Variants in MCRIP2 observed in about 807,000 individuals in gnomAD.
The protein encoded by MCRIP2 is MAPK regulated corepressor interacting protein 2, also known as MAPK regulated co-repressor interacting protein 2.
In MCRIP2, 21 loss-of-function variants were observed where a neutral mutation model predicts 23.2. The observed-to-expected ratio is 0.90, with a 90% CI of 0.64 to 1.30. The LOEUF is 1.30. Among genes scored for constraint, MCRIP2 ranks in the 50% most tolerant of loss-of-function variants. The pLI is 0.00. For missense variants in MCRIP2, 234 were observed against 223.2 expected (o/e 1.05, Z -0.31); for synonymous variants, 121 against 100.2 (o/e 1.21, Z -1.24).
At chr16:644,374 C>T (rs1286871790) in intron 2 of MCRIP2, among the ~76,000 whole-genome samples, 7 of 152,080 alleles carry the variant, frequency 4.6e-5, no homozygotes, top group Admixed American at 4.6e-4. Flanking sequence ...AACCACCGTG[C>T]TTGGCCAACC....
Position 642,133 on chromosome 16 carries a change from G to T in MCRIP2, c.66G>T (p.Gln22His). ...CGGTGCCCGCAGGTCCCACGCAGCA[G>T]CAGGTGGAGGGCCGGCTCGGCGAGC... is the stretch of plus-strand genomic sequence containing the variant. ...VAQRRTGPTQ[Q>H]QVEGRLGELL... The change falls in exon 2 of 5, where the codon CAG becomes CAT. Residue 22 changes from glutamine to histidine, a missense_variant. Transcript: ENST00000307650. 1 of 1,369,874 alleles carries T rather than the reference G, an allele frequency of 7.3e-7. No individual in the cohort carries two copies. Among genetic ancestry groups the T allele is most frequent in the Non-Finnish European group, 9.4e-7 (1 of 1,060,048 alleles). 84.9% of individuals were successfully genotyped at this position (1,369,874 alleles called of 1,614,324 possible). A position where few individuals can be genotyped will look rare whatever the true frequency, so the allele number is the denominator to read the frequency against.
intron 2 of MCRIP2, 88 bp from the exon 3 acceptor site, chr16:647,329 G>A: frequency 6.4e-7 from 1 of 1,564,042 alleles, no homozygotes; most frequent in South Asian, 1.2e-5. Flanking sequence ...GGGGAAAGTG[G>A]GCTGGCCCGG....
rs2037481147 is a variant in MCRIP2 at position 646,340 on chromosome 16, A to G, written c.183-1077A>G. On this transcript the variant is annotated intron_variant, in intron 2 of 4. Transcript: ENST00000307650. The surrounding 1 kb of genome is among the most constrained non-coding windows in gnomAD (Gnocchi z 6.5). ...TTGTGCAGAAACTCAGGCAGCGGGC[A>G]GGCCTGGGAGGTGCCCCTGCCCCTG... The G allele has an allele frequency of 2.0e-5, 3 of 152,184 alleles. No homozygotes were observed. Among genetic ancestry groups the G allele is most frequent in the Admixed American group, 2.0e-4 (3 of 15,282 alleles). The allele number at this position is 152,184 out of a possible 1,614,324, so 9.4% of individuals were successfully genotyped here.
In MCRIP2 at chr16:646,125, C is replaced by T. The variant is rs2037475348; in HGVS notation, c.183-1292C>T. ...CCAGAGCCCCTGGGGCGGTGCCTGC[C>T]TCCTGGGGCCCATCTCTGCCCGAGA... On this transcript the variant is annotated intron_variant, in intron 2 of 4. Coordinates refer to ENST00000307650, the MANE Select transcript of MCRIP2 (RefSeq NM_138418.4). The surrounding 1 kb of genome is among the most constrained non-coding windows in gnomAD (Gnocchi z 6.5). 1 of 152,242 alleles carries T rather than the reference C, an allele frequency of 6.6e-6. No individual in the cohort carries two copies. Among genetic ancestry groups the T allele is most frequent in the African/African-American group, 2.4e-5 (1 of 41,438 alleles). 9.4% of individuals were successfully genotyped at this position (152,242 alleles called of 1,614,324 possible).
intron 2 of MCRIP2, among the ~76,000 whole-genome samples, chr16:644,250 C>A (rs2037422035): frequency 6.6e-6 from 1 of 152,084 alleles, no homozygotes. Flanking sequence ...CCCAGCTAAT[C>A]TTGTATTTTT....
At chr16:647,920 C>T in intron 4 of MCRIP2, 36 bp downstream of exon 4, 3 of 1,322,718 alleles carry the variant, frequency 2.3e-6, no homozygotes, top group Non-Finnish European at 3.1e-6. Context: ...AGGAGAGACC[C>T]CCCAGCCCCT....
intron 2 of MCRIP2, chr16:647,060 G>A (rs1475398951): frequency 6.7e-6 from 2 of 296,854 alleles, no homozygotes; most frequent in Non-Finnish European, 1.3e-5. Flanking sequence ...CAGAATCTGG[G>A]CTGCTGATGG....
In MCRIP2 at chr16:647,875, C is replaced by A; in HGVS notation, c.403C>A (p.Arg135=). The A allele has an allele frequency of 1.3e-6, 2 of 1,548,580 alleles. No individual in the cohort carries two copies. Among genetic ancestry groups the A allele is most frequent in the Non-Finnish European group, 1.7e-6 (2 of 1,146,196 alleles). Residue 135 remains arginine (R), a synonymous_variant, in exon 4 of 5, where the codon CGG becomes AGG. Coordinates refer to ENST00000307650, the MANE Select transcript of MCRIP2 (RefSeq NM_138418.4). ...GTACGTGGAGAGGACCCCCAATCCC[C>A]GGCTGCAGAGTGAGCCCCCCAACCC... The part of the protein sequence containing the change: ...VQYVERTPNP[R]LQNFVPIDLD...
Position 642,238 on chromosome 16 carries a change from G to C in MCRIP2, c.171G>C (p.Trp57Cys). Residue 57 changes from tryptophan (W) to cysteine (C), a missense_variant, in exon 2 of 5, where the codon TGG becomes TGC. Trp to Cys is a radical substitution (Grantham distance 215). Transcript: ENST00000307650. ...CCTTTGCGCAGCCGCCGGGACCCTG[G>C]CCCCTGTCGAGGTGAGACGCGCGCG... ...AQPFAQPPGP[W>C]PLSSPGPRLV... is the part of the protein sequence containing the mutation. 8.3e-7 allele frequency: 1 copy of C among 1,211,314 alleles called. No individual in the cohort carries two copies. Among genetic ancestry groups the C allele is most frequent in the South Asian group, 3.4e-5 (1 of 29,744 alleles). The allele number at this position is 1,211,314 out of a possible 1,614,324, so 75.0% of individuals were successfully genotyped here.
At chr16:644,878 C>T (rs1024666093) in intron 2 of MCRIP2, among the ~76,000 whole-genome samples, 1 of 152,098 alleles carries the variant, frequency 6.6e-6, no homozygotes, top group African/African-American at 2.4e-5. Context: ...ATGATGTATG[C>T]TGGCTCTGGT....
chr16:642,434 C>G (rs1267306827), intron 2 of MCRIP2, 185 bp downstream of exon 2: 1 of 435,172 alleles, frequency 2.3e-6, no homozygotes, highest in Admixed American at 5.4e-5. Context: ...GCCTGCGCCT[C>G]GCACTTCCGC....
chr16:641,958 C>T lies in MCRIP2; in HGVS notation c.-34C>T, dbSNP rs1036435727. 22 of 1,303,028 alleles carry T rather than the reference C, an allele frequency of 1.7e-5. No individual in the cohort carries two copies. Among genetic ancestry groups the T allele is most frequent in the Admixed American group, 4.1e-5 (1 of 24,360 alleles). 80.7% of individuals were successfully genotyped at this position (1,303,028 alleles called of 1,614,324 possible). A position where few individuals can be genotyped will look rare whatever the true frequency, so the allele number is the denominator to read the frequency against. ...GCCCCGGCGCAGGGGCCGGATCTGGCCGGGGGCCGGCGGCGGTGTGGGAGC... is the reference window on the plus strand; with the variant it reads ...GCCCCGGCGCAGGGGCCGGATCTGGTCGGGGGCCGGCGGCGGTGTGGGAGC... On this transcript the variant is annotated 5_prime_UTR_variant, in exon 1 of 5. Transcript: ENST00000307650.
chr16:642,371 C>A, intron 2 of MCRIP2, 122 bp downstream of exon 2: 1 of 956,046 alleles, frequency 1.0e-6, no homozygotes, highest in Non-Finnish European at 1.3e-6. Context: ...GCAGGCGGGG[C>A]GGGCGCTCCG....
Position 642,127 on chromosome 16 carries a change from G to T in MCRIP2, c.60G>T (p.Thr20=). The change falls in exon 2 of 5, where the codon ACG becomes ACT. Residue 20 remains threonine (T), a synonymous_variant. Transcript: ENST00000307650. The part of the protein sequence containing the change: ...KLVAQRRTGP[T]QQQVEGRLGE... Reference sequence around the variant, plus strand: ...GCCCCCCGGTGCCCGCAGGTCCCACGCAGCAGCAGGTGGAGGGCCGGCTCG... The same window carrying T: ...GCCCCCCGGTGCCCGCAGGTCCCACTCAGCAGCAGGTGGAGGGCCGGCTCG... 7.3e-7 allele frequency: 1 copy of T among 1,366,854 alleles called. No homozygotes were observed. The allele number at this position is 1,366,854 out of a possible 1,614,324, so 84.7% of individuals were successfully genotyped here.
intron 2 of MCRIP2, 99 bp downstream of exon 2, chr16:642,348 C>G (rs2037368714): frequency 2.8e-6 from 3 of 1,062,880 alleles, no homozygotes; most frequent in African/African-American, 1.7e-5. Flanking sequence ...TTAGTGAGGT[C>G]CGGCCACGTG....
intron 3 of MCRIP2, 90 bp from the exon 4 acceptor site, chr16:647,693 G>A: frequency 6.7e-7 from 1 of 1,500,862 alleles, no homozygotes; most frequent in Non-Finnish European, 9.1e-7. Flanking sequence ...CCAGCCCTGT[G>A]TGGGGCTGGA....
At chr16:642,298 C>A (rs879727115) in intron 2 of MCRIP2, 49 bp downstream of exon 2, 3 of 1,143,280 alleles carry the variant, frequency 2.6e-6, no homozygotes, top group Admixed American at 4.8e-5. Flanking sequence ...TCCCCTCCCC[C>A]GCCGGCCGCC....
chr16:643,584 G>A (rs571053054), intron 2 of MCRIP2, among the ~76,000 whole-genome samples: 3 of 134,842 alleles, frequency 2.2e-5, no homozygotes, highest in Non-Finnish European at 3.1e-5. Flanking sequence ...TCCATCTGTC[G>A]CCCAGGCTGG....
chr16:644,439 C>T (rs1424346987), intron 2 of MCRIP2, among the ~76,000 whole-genome samples: 4 of 152,030 alleles, frequency 2.6e-5, no homozygotes, highest in African/African-American at 9.7e-5. Context: ...CTGTTTTTTA[C>T]TTCATTTAAT....
Sources: allele counts gnomAD v4.1 joint callset (sites outside exome capture counted in the v4.1 genomes callset), GRCh38; gene constraint gnomAD v4.1.1; non-coding constraint Gnocchi (gnomAD v3.1); transcripts MANE v1.5; gene names NCBI Gene and HGNC (gene_info 2026-07-23, HGNC 2026-07-21).